Variants in CLIC5 observed in about 807,000 individuals in gnomAD.
CLIC5 encodes the protein chloride intracellular channel protein 5.
Under a neutral mutation model 24.7 loss-of-function variants are expected in CLIC5, and 20 were observed. The observed-to-expected ratio is 0.81, with a 90% CI of 0.57 to 1.18. The LOEUF (loss-of-function observed/expected upper bound fraction) is 1.18, where lower values mean the gene tolerates loss of function less well. Among genes scored for constraint, CLIC5 ranks in the 50% most tolerant of loss-of-function variants. CLIC5 has a pLI of 0.00. For synonymous variants in CLIC5, 159 were observed against 135.6 expected (o/e 1.17, Z -1.20); for missense variants, 341 against 326.1 (o/e 1.05, Z -0.35).
chr6:45,999,118 A>C (rs1766257269), intron 1 of CLIC5, among the ~76,000 whole-genome samples: 4 of 152,274 alleles, frequency 2.6e-5, no homozygotes, highest in Admixed American at 2.6e-4. Context: ...TCACACAGTG[A>C]GGTACACAAG....
At chr6:45,961,203 G>A (rs567327076) in intron 1 of CLIC5, among the ~76,000 whole-genome samples, 8 of 152,292 alleles carry the variant, frequency 5.3e-5, no homozygotes, top group South Asian at 2.1e-4. Context: ...CACCACTTAC[G>A]TCACATTTCC....
chr6:46,121,885 C>T, the CLIC5 span, among the ~76,000 whole-genome samples: 1 of 152,142 alleles, frequency 6.6e-6, no homozygotes, highest in African/African-American at 2.4e-5. Flanking sequence ...AGCTAACTAT[C>T]CTAAATATAT....
rs531467521 is a variant in CLIC5, at chr6:45,948,572, G to A, written c.299+684C>T. Among the ~76,000 whole-genome samples, 10 of 152,248 alleles carry A rather than the reference G, an allele frequency of 6.6e-5. No homozygotes were observed. In the East Asian group the frequency reaches 1.7e-3, roughly 26 times the overall value. Reference sequence around the variant, plus strand: ...TATTTTTCTAGTTTTTTCAAAAATTGTGATTGTTTTAATCCTTGATAATAG... The same window carrying A: ...TATTTTTCTAGTTTTTTCAAAAATTATGATTGTTTTAATCCTTGATAATAG... On this transcript the variant is annotated intron_variant, in intron 3 of 5. Transcript: ENST00000339561.
chr6:45,944,864 G>C (rs1254526315), intron 3 of CLIC5, among the ~76,000 whole-genome samples: 1 of 152,120 alleles, frequency 6.6e-6, no homozygotes, highest in African/African-American at 2.4e-5. Context: ...TTTTTCTCAC[G>C]AGCTGAAAAG....
chr6:46,101,897 A>T, the CLIC5 span, among the ~76,000 whole-genome samples: 1 of 151,546 alleles, frequency 6.6e-6, no homozygotes, highest in Middle Eastern at 3.4e-3. Context: ...CATTCCATAC[A>T]TTACACCATT....
At chr6:45,881,610 G>T (rs1033553564) in intron 6 of CLIC5, among the ~76,000 whole-genome samples, 3 of 152,010 alleles carry the variant, frequency 2.0e-5, no homozygotes, top group African/African-American at 7.3e-5. Context: ...ATATGTTTTG[G>T]GGTTACCAGA....
chr6:45,982,574 G>A (rs866488815), intron 1 of CLIC5, among the ~76,000 whole-genome samples: 2 of 152,022 alleles, frequency 1.3e-5, no homozygotes, highest in African/African-American at 2.4e-5. Context: ...ATTGAACACC[G>A]TAGGCAACTG....
At chr6:45,953,440 A>G (rs1371520749) in intron 2 of CLIC5, among the ~76,000 whole-genome samples, 2 of 152,110 alleles carry the variant, frequency 1.3e-5, no homozygotes, top group Admixed American at 1.3e-4. Context: ...GATGGGCTGA[A>G]GCTGAGCCTG....
At chr6:46,096,428 C>G in the CLIC5 span, among the ~76,000 whole-genome samples, 1 of 152,228 alleles carries the variant, frequency 6.6e-6, no homozygotes, top group Non-Finnish European at 1.5e-5. Flanking sequence ...CCATGGAACA[C>G]TGGCTCAGGT....
At chr6:45,947,984 T>C (rs1009127698) in intron 3 of CLIC5, among the ~76,000 whole-genome samples, 1 of 152,228 alleles carries the variant, frequency 6.6e-6, no homozygotes, top group Non-Finnish European at 1.5e-5. Flanking sequence ...TTAAGGCTTA[T>C]TTGGAGCATG....
the CLIC5 span, among the ~76,000 whole-genome samples, chr6:46,099,481 AAAATTT>A: frequency 3.5e-3 from 528 of 152,328 alleles, 3 homozygotes; most frequent in African/African-American, 0.012. Flanking sequence ...GTACTGGAAA[AAAATTT>A]AAATATATAT....
intron 1 of CLIC5, among the ~76,000 whole-genome samples, chr6:46,036,779 G>A (rs1767674315): frequency 6.6e-6 from 1 of 152,144 alleles, no homozygotes; most frequent in African/African-American, 2.4e-5. Flanking sequence ...ATTCCAAAGG[G>A]TTTGTAGTTT....
At chr6:45,950,673 T>C (rs1764441675) in intron 2 of CLIC5, among the ~76,000 whole-genome samples, 1 of 152,154 alleles carries the variant, frequency 6.6e-6, no homozygotes, top group Non-Finnish European at 1.5e-5. Context: ...TGGTAAAAAC[T>C]TCAATCCAGT....
At chr6:46,014,441 A>T (rs1371305981) in intron 1 of CLIC5, 1 of 151,918 alleles carries the variant, frequency 6.6e-6, no homozygotes, top group Admixed American at 6.6e-5. Context: ...GGCACCAGTG[A>T]CTCTTCCCTT....
chr6:46,014,721 G>T (rs1417834425), intron 1 of CLIC5: 1 of 152,218 alleles, frequency 6.6e-6, no homozygotes, highest in Non-Finnish European at 1.5e-5. Flanking sequence ...CCTCCTACAG[G>T]TTGCAAATAA....
At chr6:45,931,381 C>T (rs2127351009) in intron 4 of CLIC5, among the ~76,000 whole-genome samples, 1 of 152,266 alleles carries the variant, frequency 6.6e-6, no homozygotes, top group South Asian at 2.1e-4. Flanking sequence ...AATTTAGAAG[C>T]AATGTTGAAC....
the CLIC5 span, among the ~76,000 whole-genome samples, chr6:46,109,587 C>T: frequency 7.7e-6 from 1 of 129,704 alleles, no homozygotes; most frequent in African/African-American, 3.0e-5. Context: ...CAACAGCAAT[C>T]AAAGCAAGTA....
At chr6:45,966,626 A>C (rs1765023777) in intron 1 of CLIC5, among the ~76,000 whole-genome samples, 1 of 152,096 alleles carries the variant, frequency 6.6e-6, no homozygotes, top group Non-Finnish European at 1.5e-5. Context: ...CGACAGTAGC[A>C]CTTAGGACGT....
At chr6:45,949,176 C>G in intron 3 of CLIC5, 80 bp downstream of exon 3, 1 of 1,511,032 alleles carries the variant, frequency 6.6e-7, no homozygotes, top group South Asian at 1.3e-5. Context: ...AATGCATCTG[C>G]CCGAAGTTAA....
Sources: allele counts gnomAD v4.1 joint callset (sites outside exome capture counted in the v4.1 genomes callset), GRCh38; gene constraint gnomAD v4.1.1; transcripts MANE v1.5; gene names NCBI Gene and HGNC (gene_info 2026-07-23, HGNC 2026-07-21).